MARCHF1: variants seen among roughly 807,000 people sequenced by gnomAD.
MARCHF1 encodes the protein E3 ubiquitin-protein ligase MARCHF1.
A neutral mutation model predicts 54.2 loss-of-function variants in MARCHF1; 40 were observed. The ratio of observed to expected loss-of-function variants is 0.74; its 90% CI spans 0.57 to 0.96. The LOEUF (loss-of-function observed/expected upper bound fraction) is 0.96, where lower values mean the gene tolerates loss of function less well. Among genes scored for constraint, MARCHF1 ranks in the 40% least tolerant of loss-of-function variants. The pLI is 0.00. For missense variants in MARCHF1, 586 were observed against 656.5 expected, an observed-to-expected ratio of 0.89 and a Z score of 1.17; for synonymous variants, 236 against 236.3, an observed-to-expected ratio of 1.00 and a Z score of 0.01.
Position 164,278,337 on chromosome 4 carries a change from A to G in MARCHF1, c.-323+105533T>C, listed in dbSNP as rs146793352. 2.1e-3 allele frequency among the ~76,000 whole-genome samples: 324 copies of G among 152,268 alleles called. 4 individuals carry two copies. Among genetic ancestry groups the G allele is most frequent in the African/African-American group, 7.8e-3 (323 of 41,546 alleles). The stretch of plus-strand genomic sequence containing the variant: ...AAACAAAAGAAAAATCACTAAGCAA[A>G]ATAAGACATGTGAAGTATCCTGTCA... On this transcript the variant is annotated intron_variant, in intron 1 of 9. Coordinates refer to ENST00000514618, the MANE Select transcript of MARCHF1 (RefSeq NM_001394959.1).
chr4:163,710,978 A>G (rs1372802208), intron 4 of MARCHF1, among the ~76,000 whole-genome samples: 1 of 152,020 alleles, frequency 6.6e-6, no homozygotes, highest in Non-Finnish European at 1.5e-5. Flanking sequence ...TTTTCCCGAA[A>G]TTCTGTTTTA....
chr4:163,670,289 T>C (rs1743687417), intron 5 of MARCHF1, among the ~76,000 whole-genome samples: 1 of 151,912 alleles, frequency 6.6e-6, no homozygotes, highest in African/African-American at 2.4e-5. Flanking sequence ...GAGATTTTTT[T>C]ATATAATAAA....
intron 2 of MARCHF1, among the ~76,000 whole-genome samples, chr4:164,050,769 C>T (rs1056560138): frequency 6.6e-6 from 1 of 152,108 alleles, no homozygotes; most frequent in Non-Finnish European, 1.5e-5. Context: ...CCTGTCTCTA[C>T]TAAAAATACA....
At chr4:164,195,920 C>A (rs1228849285) in intron 1 of MARCHF1, among the ~76,000 whole-genome samples, 1 of 152,020 alleles carries the variant, frequency 6.6e-6, no homozygotes, top group Non-Finnish European at 1.5e-5. Flanking sequence ...TGCTTTATTA[C>A]TAGAATTTAT....
chr4:164,012,348 C>T (rs1221245781), intron 2 of MARCHF1, among the ~76,000 whole-genome samples: 1 of 152,086 alleles, frequency 6.6e-6, no homozygotes, highest in African/African-American at 2.4e-5. Flanking sequence ...TGGGTGCCAC[C>T]TGAGCCTAAG....
At chr4:163,699,251 A>G (rs1561026072) in intron 5 of MARCHF1, among the ~76,000 whole-genome samples, 1 of 151,760 alleles carries the variant, frequency 6.6e-6, no homozygotes, top group Non-Finnish European at 1.5e-5. Flanking sequence ...GCAAGCACAC[A>G]CATTGACTGA....
At chr4:164,327,648 C>T (rs536220156) in intron 1 of MARCHF1, among the ~76,000 whole-genome samples, 1 of 152,150 alleles carries the variant, frequency 6.6e-6, no homozygotes, top group Admixed American at 6.5e-5. Context: ...GGCTGAGAGG[C>T]CAGTTTGGAT....
intron 3 of MARCHF1, among the ~76,000 whole-genome samples, chr4:163,986,225 TC>T (rs147813392): frequency 0.058 from 8,363 of 145,218 alleles, 375 homozygotes; most frequent in Middle Eastern, 0.081. Flanking sequence ...GAGTTTCCTT[TC>T]CTTTTCTCCT....
chr4:163,644,117 T>C lies in MARCHF1; in HGVS notation c.163-30724A>G, dbSNP rs989943644. On this transcript the variant is annotated intron_variant, in intron 5 of 9. Transcript: ENST00000514618. ...TTTTTACGTATTTGTTCATGCCATG[T>C]TTTTCTAAGCAAGTTTTAACCATTT... is the stretch of plus-strand genomic sequence containing the variant. Among the ~76,000 whole-genome samples, 4 of 152,280 alleles carry C rather than the reference T, an allele frequency of 2.6e-5. No individual in the cohort carries two copies. In the East Asian group the frequency reaches 7.7e-4, roughly 29 times the overall value.
chr4:164,263,664 C>A (rs1579672047), intron 1 of MARCHF1, among the ~76,000 whole-genome samples: 3 of 151,070 alleles, frequency 2.0e-5, no homozygotes, highest in Non-Finnish European at 4.4e-5. Context: ...AAACAATCAA[C>A]CCCATTAAAA....
chr4:163,637,976 G>C (rs1045456668), intron 5 of MARCHF1, among the ~76,000 whole-genome samples: 8 of 150,558 alleles, frequency 5.3e-5, no homozygotes, highest in Non-Finnish European at 8.9e-5. Context: ...ATCATTCTCA[G>C]TAAACTATCG....
chr4:164,301,496 A>G (rs368394040), intron 1 of MARCHF1, among the ~76,000 whole-genome samples: 25 of 152,206 alleles, frequency 1.6e-4, no homozygotes, highest in Non-Finnish European at 3.1e-4. Context: ...AATGTCAACC[A>G]AATAGAAAAA....
intron 9 of MARCHF1, among the ~76,000 whole-genome samples, chr4:163,531,473 A>G (rs1001691411): frequency 6.6e-6 from 1 of 151,856 alleles, no homozygotes; most frequent in Non-Finnish European, 1.5e-5. Context: ...GATAAAGAAC[A>G]TAGAAAACCT....
intron 1 of MARCHF1, among the ~76,000 whole-genome samples, chr4:164,185,807 CACAAA>C (rs936269491): frequency 6.9e-5 from 3 of 43,216 alleles, no homozygotes; most frequent in African/African-American, 2.1e-4. Context: ...CACACACACA[CACAAA>C]AAAAAAAACA....
At chr4:164,236,372 A>T (rs1732559980) in intron 1 of MARCHF1, among the ~76,000 whole-genome samples, 1 of 152,124 alleles carries the variant, frequency 6.6e-6, no homozygotes, top group South Asian at 2.1e-4. Flanking sequence ...CATAGCCAGC[A>T]GGACTCATGC....
intron 1 of MARCHF1, among the ~76,000 whole-genome samples, chr4:164,306,146 T>C (rs920868574): frequency 6.6e-6 from 1 of 152,098 alleles, no homozygotes; most frequent in African/African-American, 2.4e-5. Context: ...GAATGTTAAT[T>C]CCCCAGAATT....
intron 1 of MARCHF1, among the ~76,000 whole-genome samples, chr4:164,260,240 C>T (rs35339566): frequency 0.12 from 17,506 of 151,880 alleles, 1,589 homozygotes; most frequent in African/African-American, 0.25. Context: ...CACTTCAGTG[C>T]TATTGCTGCT....
chr4:164,325,726 T>C (rs1022426002), intron 1 of MARCHF1, among the ~76,000 whole-genome samples: 4 of 151,436 alleles, frequency 2.6e-5, no homozygotes, highest in African/African-American at 9.7e-5. Flanking sequence ...AGACTCACTC[T>C]CAAAAAAATA....
intron 5 of MARCHF1, among the ~76,000 whole-genome samples, chr4:163,663,572 T>G (rs1001889771): frequency 3.9e-5 from 6 of 152,096 alleles, no homozygotes; most frequent in Non-Finnish European, 7.4e-5. Context: ...ATTTTCATCT[T>G]TGCAATCATG....
Sources: allele counts gnomAD v4.1 joint callset (sites outside exome capture counted in the v4.1 genomes callset), GRCh38; gene constraint gnomAD v4.1.1; transcripts MANE v1.5; gene names NCBI Gene and HGNC (gene_info 2026-07-23, HGNC 2026-07-21).